Variants in RSPO3 observed in about 807,000 individuals in gnomAD.
RSPO3 encodes R-spondin-3.
RSPO3 carries 17 observed loss-of-function variants against 36.5 expected under a neutral mutation model. That is an observed-to-expected ratio of 0.47 (90% confidence interval 0.32 to 0.70). RSPO3 has a LOEUF of 0.70. Ranked by LOEUF, RSPO3 falls within the 30% of genes least tolerant of loss-of-function variation. The pLI is 0.04. For missense variants in RSPO3, 294 were observed against 322.5 expected, an observed-to-expected ratio of 0.91 and a Z score of 0.68; for synonymous variants, 108 against 107.0, an observed-to-expected ratio of 1.01 and a Z score of -0.06.
intron 1 of RSPO3, among the ~76,000 whole-genome samples, chr6:127,136,538 T>C (rs955134949): frequency 2.0e-5 from 3 of 152,218 alleles, no homozygotes; most frequent in African/African-American, 7.2e-5. Context: ...TATGATTTTG[T>C]ACAGCATATA....
intron 4 of RSPO3, among the ~76,000 whole-genome samples, chr6:127,163,846 T>C (rs1243435943): frequency 6.6e-6 from 1 of 152,090 alleles, no homozygotes; most frequent in Non-Finnish European, 1.5e-5. Context: ...TCAAATTATC[T>C]TAGGCAAGAA....
chr6:127,134,942 A>G (rs1774124209), intron 1 of RSPO3, among the ~76,000 whole-genome samples: 1 of 152,216 alleles, frequency 6.6e-6, no homozygotes, highest in African/African-American at 2.4e-5. Context: ...TTAAGCCTGT[A>G]AAAGAGAATG....
At chr6:127,158,449 T>C (rs1298465865) in intron 4 of RSPO3, among the ~76,000 whole-genome samples, 1 of 152,086 alleles carries the variant, frequency 6.6e-6, no homozygotes, top group Admixed American at 6.6e-5. Context: ...TAGACAGAGG[T>C]AGATAACTCA....
chr6:127,120,298 T>C (rs1348810680), intron 1 of RSPO3, among the ~76,000 whole-genome samples: 5 of 152,180 alleles, frequency 3.3e-5, no homozygotes, highest in African/African-American at 1.2e-4. Context: ...GCTGCTCTAG[T>C]GTCTGTGTTC....
At chr6:127,174,397 T>G (rs1283252705) in intron 4 of RSPO3, among the ~76,000 whole-genome samples, 1 of 151,942 alleles carries the variant, frequency 6.6e-6, no homozygotes, top group Non-Finnish European at 1.5e-5. Context: ...ATTGCCTGAG[T>G]ATTTTTACAA....
chr6:127,124,594 G>A (rs575428336), intron 1 of RSPO3, among the ~76,000 whole-genome samples: 5 of 151,688 alleles, frequency 3.3e-5, no homozygotes, highest in African/African-American at 1.2e-4. Flanking sequence ...TGATTTTAAG[G>A]GCAAATGTAG....
At chr6:127,166,050 T>C (rs182674662) in intron 4 of RSPO3, among the ~76,000 whole-genome samples, 3 of 152,098 alleles carry the variant, frequency 2.0e-5, no homozygotes, top group East Asian at 3.9e-4. Context: ...AATAGACATA[T>C]AAAAAATTTC....
At chr6:127,120,382 A>C (rs963120548) in intron 1 of RSPO3, among the ~76,000 whole-genome samples, 1 of 152,000 alleles carries the variant, frequency 6.6e-6, no homozygotes, top group African/African-American at 2.4e-5. Flanking sequence ...TGGTGGAGAG[A>C]GGGAGGAGGA....
intron 1 of RSPO3, among the ~76,000 whole-genome samples, chr6:127,126,056 T>C (rs986426064): frequency 2.0e-5 from 3 of 152,106 alleles, no homozygotes; most frequent in African/African-American, 7.2e-5. Flanking sequence ...GGGAAAGAGA[T>C]GGAGGCCCAT....
rs532558610 is a variant in RSPO3, at chr6:127,131,000, T to A, written c.97+11711T>A. The stretch of plus-strand genomic sequence containing the variant: ...CAGTCCCCTCCACAAAGACTGAATA[T>A]AATTTTAAAAGGACAGTCTTTCTTT... On this transcript the variant is annotated intron_variant, in intron 1 of 4. Coordinates refer to ENST00000356698, the MANE Select transcript of RSPO3 (RefSeq NM_032784.5). Among the ~76,000 whole-genome samples, 10 of 152,188 alleles carry A rather than the reference T, an allele frequency of 6.6e-5. No individual in the cohort carries two copies. In the East Asian group the frequency reaches 1.9e-3, roughly 29 times the overall value.
In RSPO3 at chr6:127,196,881, T is replaced by G. The variant is rs1034640649; in HGVS notation, c.*874T>G. ...AATAGAGCAAGGAGAATATAACATGTTTGCAAAGTCATGTGTTTTCTTTCT... is the reference window on the plus strand; with the variant it reads ...AATAGAGCAAGGAGAATATAACATGGTTGCAAAGTCATGTGTTTTCTTTCT... On this transcript the variant is annotated 3_prime_UTR_variant, in exon 5 of 5. Transcript: ENST00000356698. 2 of 152,690 alleles carry G rather than the reference T, an allele frequency of 1.3e-5. No individual in the cohort carries two copies. Among genetic ancestry groups the G allele is most frequent in the Admixed American group, 1.3e-4 (2 of 15,278 alleles). The allele number at this position is 152,690 out of a possible 1,614,324, so 9.5% of individuals were successfully genotyped here.
rs1280181982 is a variant in RSPO3, at chr6:127,118,749, G to A, written c.-444G>A. ...GCCCCTTGGCCATGGCCGCTGTGCC[G>A]ACGGCGCCCGCTCCCCTGCGCTCCA... is the stretch of plus-strand genomic sequence containing the variant. On this transcript the variant is annotated 5_prime_UTR_variant, in exon 1 of 5. Transcript: ENST00000356698. The A allele has an allele frequency of 2.0e-5, 3 of 152,766 alleles. No individual in the cohort carries two copies. Among genetic ancestry groups the A allele is most frequent in the South Asian group, 1.8e-4 (1 of 5,634 alleles). The allele number at this position is 152,766 out of a possible 1,614,324, so 9.5% of individuals were successfully genotyped here.
intron 4 of RSPO3, chr6:127,192,678 T>A: frequency 1.0e-6 from 1 of 985,428 alleles, no homozygotes; most frequent in Non-Finnish European, 1.2e-6. Flanking sequence ...GCTGTTTTAA[T>A]CACTAGAATG....
At chr6:127,125,988 C>G (rs1213533040) in intron 1 of RSPO3, among the ~76,000 whole-genome samples, 1 of 152,090 alleles carries the variant, frequency 6.6e-6, no homozygotes, top group Admixed American at 6.6e-5. Context: ...AGAGTATATA[C>G]AGCAGATAAT....
chr6:127,187,712 T>C (rs1775325181), intron 4 of RSPO3, among the ~76,000 whole-genome samples: 1 of 152,090 alleles, frequency 6.6e-6, no homozygotes, highest in African/African-American at 2.4e-5. Context: ...AGATAACAAC[T>C]TCTGCTCTGA....
Position 127,197,290 on chromosome 6 carries a change from T to C in RSPO3, c.*1283T>C, listed in dbSNP as rs1376145182. On this transcript the variant is annotated 3_prime_UTR_variant, in exon 5 of 5. Transcript: ENST00000356698. Reference sequence around the variant, plus strand: ...AATCAACATTCTAATTATAGACACATGGGCCTCCCTAGCTGATTTCACTGC... The same window carrying C: ...AATCAACATTCTAATTATAGACACACGGGCCTCCCTAGCTGATTTCACTGC... The C allele has an allele frequency of 1.9e-6, 2 of 1,058,858 alleles. No homozygotes were observed. Among genetic ancestry groups the C allele is most frequent in the Non-Finnish European group, 2.7e-6 (2 of 746,372 alleles). 65.6% of individuals were successfully genotyped at this position (1,058,858 alleles called of 1,614,324 possible).
At chr6:127,161,849 T>C (rs1169318400) in intron 4 of RSPO3, among the ~76,000 whole-genome samples, 2 of 152,158 alleles carry the variant, frequency 1.3e-5, no homozygotes, top group Admixed American at 1.3e-4. Flanking sequence ...AAGCAAACAA[T>C]GATCTTGCCA....
At chr6:127,130,582 T>G (rs1774031910) in intron 1 of RSPO3, among the ~76,000 whole-genome samples, 1 of 152,134 alleles carries the variant, frequency 6.6e-6, no homozygotes, top group Non-Finnish European at 1.5e-5. Flanking sequence ...CTATGGCCAA[T>G]ATTGTGGAAC....
intron 1 of RSPO3, among the ~76,000 whole-genome samples, chr6:127,129,623 A>G (rs535378617): frequency 2.0e-5 from 3 of 152,116 alleles, no homozygotes; most frequent in Admixed American, 6.6e-5. Context: ...TAGGAAATAT[A>G]CCAGAAAACA....
Sources: allele counts gnomAD v4.1 joint callset (sites outside exome capture counted in the v4.1 genomes callset), GRCh38; gene constraint gnomAD v4.1.1; transcripts MANE v1.5; gene names NCBI Gene and HGNC (gene_info 2026-07-23, HGNC 2026-07-21).